The following THEMIS variants were observed in gnomAD, a reference collection of about 807,000 sequenced individuals.
The protein encoded by THEMIS is thymocyte selection associated.
THEMIS carries 37 observed loss-of-function variants against 52.6 expected under a neutral mutation model. The observed-to-expected ratio is 0.70, with a 90% CI of 0.54 to 0.93. The LOEUF is 0.93. Ranked by LOEUF, THEMIS falls within the 40% of genes least tolerant of loss-of-function variation. THEMIS has a pLI of 0.00. For synonymous variants in THEMIS, 292 were observed against 272.7 expected (o/e 1.07, Z -0.70); for missense variants, 808 against 763.1 (o/e 1.06, Z -0.69).
At chr6:127,893,926 C>A (rs2114480640) in intron 1 of THEMIS, among the ~76,000 whole-genome samples, 1 of 151,784 alleles carries the variant, frequency 6.6e-6, no homozygotes, top group Middle Eastern at 3.4e-3. Context: ...CAAAAGAAAG[C>A]TGGAATAGTA....
intron 5 of THEMIS, among the ~76,000 whole-genome samples, chr6:127,711,458 C>T (rs1217964342): frequency 6.6e-6 from 1 of 151,882 alleles, no homozygotes; most frequent in South Asian, 2.1e-4. Flanking sequence ...ATTTACTTTC[C>T]TCTGTCAACA....
rs114746750 is a variant in THEMIS, at chr6:127,837,335, G to T, written c.251-7401C>A. Reference sequence around the variant, plus strand: ...ATGCCGGGGCTCATGAAACAGAGGAGCCCCCCCAAAATTTTTAAAAGATAA... The same window carrying T: ...ATGCCGGGGCTCATGAAACAGAGGATCCCCCCCAAAATTTTTAAAAGATAA... On this transcript the variant is annotated intron_variant, in intron 2 of 5. Transcript: ENST00000368248. Among the ~76,000 whole-genome samples, 1,510 of 151,826 alleles carry T rather than the reference G, an allele frequency of 9.9e-3. 31 individuals are homozygous for T. Among genetic ancestry groups the T allele is most frequent in the African/African-American group, 0.035 (1,436 of 41,432 alleles).
chr6:127,823,878 T>TATCTGC (rs1172599333), intron 3 of THEMIS, among the ~76,000 whole-genome samples: 1 of 152,148 alleles, frequency 6.6e-6, no homozygotes, highest in Non-Finnish European at 1.5e-5. Flanking sequence ...ATCTAAAAGA[T>TATCTGC]ATCTGCAATC....
At chr6:127,913,904 A>G (rs1430049218) in intron 1 of THEMIS, among the ~76,000 whole-genome samples, 2 of 152,218 alleles carry the variant, frequency 1.3e-5, no homozygotes, top group African/African-American at 4.8e-5. Context: ...TCCTTAGCAA[A>G]CAGCACATAA....
In THEMIS at chr6:127,882,588, G is replaced by T. The variant is rs145783571; in HGVS notation, c.91+18254C>A. 1.3e-3 allele frequency among the ~76,000 whole-genome samples: 204 copies of T among 151,812 alleles called. 5 individuals are homozygous for T. The East Asian group carries it at 0.032, about 24-fold the overall frequency. On this transcript the variant is annotated intron_variant, in intron 1 of 5. Coordinates refer to ENST00000368248, the MANE Select transcript of THEMIS (RefSeq NM_001010923.3). ...CTTCAATGAATCTTTACAAATACAA[G>T]CTCATGTAGAAAAATACTGGTGCTC...
intron 3 of THEMIS, among the ~76,000 whole-genome samples, chr6:127,824,748 C>T (rs1184923465): frequency 6.6e-6 from 1 of 152,170 alleles, no homozygotes; most frequent in Non-Finnish European, 1.5e-5. Context: ...CCGCCCGCCT[C>T]GGCCCCCCAA....
At position 127,719,784 on chromosome 6, in the gene THEMIS, G is replaced by A. The variant is rs1269428908; in HGVS notation, c.1798C>T (p.Gln600Ter). 6.2e-7 allele frequency: 1 copy of A among 1,612,196 alleles called. No individual in the cohort carries two copies. Among genetic ancestry groups the A allele is most frequent in the East Asian group, 2.2e-5 (1 of 44,826 alleles). The change falls in exon 5 of 6, where the codon CAA becomes TAA. Residue 600 changes from glutamine (Q) to a stop codon, truncating the protein, a stop_gained. Transcript: ENST00000368248. LOFTEE classifies it high-confidence loss of function. ...AGTACTTTTGAATCCAGGCCAGCTT[G>A]ATTTGGGTGAAGTTTCTTGGTTATG... is the stretch of plus-strand genomic sequence containing the variant. ...VDITKKLHPNQAGLDSKVLIG... is the reference protein window; with the variant it reads ...VDITKKLHPN
Position 127,855,182 on chromosome 6 carries a change from A to C in THEMIS, c.98T>G (p.Ile33Ser), listed in dbSNP as rs141623918. The change falls in exon 2 of 6, where the codon ATT becomes AGT. Residue 33 changes from isoleucine (I) to serine (S), a missense_variant. By Grantham distance (142) the Ile-to-Ser change is moderately radical. Transcript: ENST00000368248. The stretch of plus-strand genomic sequence containing the variant: ...GCATTCATTTCCAAACATTTCATAA[A>C]TAGAGCCTAAAAGGAAAGAAAAGTT... Reference protein sequence around the residue: ...IQAGIYLEGSIYEMFGNECCF... With the variant: ...IQAGIYLEGSSYEMFGNECCF... 9 of 1,594,682 alleles carry C rather than the reference A, an allele frequency of 5.6e-6. No homozygotes were observed. Among genetic ancestry groups the C allele is most frequent in the Non-Finnish European group, 6.8e-6 (8 of 1,172,994 alleles).
Position 127,728,215 on chromosome 6 carries a change from T to A in THEMIS, c.1759-8392A>T, listed in dbSNP as rs1183668948. Reference sequence around the variant, plus strand: ...TCAGAATTTCTCCATCCTCACGATCTTGGATTCTAACACTCTCCTCTGTGC... The same window carrying A: ...TCAGAATTTCTCCATCCTCACGATCATGGATTCTAACACTCTCCTCTGTGC... On this transcript the variant is annotated intron_variant, in intron 4 of 5. Coordinates refer to ENST00000368248, the MANE Select transcript of THEMIS (RefSeq NM_001010923.3). Among the ~76,000 whole-genome samples, 10 of 152,282 alleles carry A rather than the reference T, an allele frequency of 6.6e-5. No individual in the cohort carries two copies. In the East Asian group the frequency reaches 1.9e-3, roughly 29 times the overall value.
downstream of THEMIS, among the ~76,000 whole-genome samples, chr6:127,706,136 A>G (rs1368082002): frequency 3.3e-5 from 5 of 152,110 alleles, no homozygotes; most frequent in Admixed American, 6.6e-5. Flanking sequence ...GAAAGAAAGA[A>G]AACTCAAAGA....
chr6:127,842,749 G>C (rs1779091027), intron 2 of THEMIS, among the ~76,000 whole-genome samples: 1 of 151,882 alleles, frequency 6.6e-6, no homozygotes, highest in Non-Finnish European at 1.5e-5. Flanking sequence ...AATTTTTCTT[G>C]GAGGGCAAAA....
At chr6:127,910,207 G>GT (rs369631117) in intron 1 of THEMIS, among the ~76,000 whole-genome samples, 11 of 152,098 alleles carry the variant, frequency 7.2e-5, no homozygotes, top group Admixed American at 2.0e-4. Context: ...TATAGATGAT[G>GT]TTTTTTTATA....
At chr6:127,747,621 C>T (rs936948238) in intron 4 of THEMIS, among the ~76,000 whole-genome samples, 4 of 151,424 alleles carry the variant, frequency 2.6e-5, no homozygotes, top group Admixed American at 6.6e-5. Flanking sequence ...GTTTGTTTAT[C>T]CTTTTAAAAA....
chr6:127,808,712 G>A (rs540661852), intron 4 of THEMIS, among the ~76,000 whole-genome samples: 7 of 152,132 alleles, frequency 4.6e-5, no homozygotes, highest in Admixed American at 6.5e-5. Context: ...ACCCCCACTC[G>A]TGTCCCTGCC....
intron 1 of THEMIS, among the ~76,000 whole-genome samples, chr6:127,896,678 G>T (rs1366016443): frequency 1.3e-5 from 2 of 151,486 alleles, no homozygotes; most frequent in African/African-American, 2.4e-5. Context: ...TAAATTGAGA[G>T]AACTTGTTCT....
intron 1 of THEMIS, among the ~76,000 whole-genome samples, chr6:127,884,509 C>T (rs567240653): frequency 7.9e-5 from 12 of 152,232 alleles, no homozygotes; most frequent in Admixed American, 7.2e-4. Flanking sequence ...CTAGTCTAGA[C>T]TCTTCAACTC....
At chr6:127,851,059 A>T (rs543824161) in intron 2 of THEMIS, among the ~76,000 whole-genome samples, 13 of 151,676 alleles carry the variant, frequency 8.6e-5, no homozygotes, top group Non-Finnish European at 1.5e-4. Flanking sequence ...AGATAACGTA[A>T]ATCAAATGTG....
At chr6:127,868,605 T>G in intron 1 of THEMIS, 1 of 301,390 alleles carries the variant, frequency 3.3e-6, no homozygotes, top group Non-Finnish European at 4.9e-6. Context: ...TGGTGATATC[T>G]GGCTACAAGC....
intron 3 of THEMIS, among the ~76,000 whole-genome samples, chr6:127,815,847 T>C (rs1480564679): frequency 6.6e-6 from 1 of 152,120 alleles, no homozygotes; most frequent in African/African-American, 2.4e-5. Context: ...AAGGACTTCC[T>C]GAGAACTCAG....
Sources: gnomAD v4.1 joint callset for allele counts (sites outside exome capture counted in the v4.1 genomes callset) on GRCh38, gnomAD v4.1.1 for gene constraint, MANE v1.5 for transcripts, NCBI Gene and HGNC (gene_info 2026-07-23, HGNC 2026-07-21) for gene names.